ASH1L: variants seen among roughly 807,000 people sequenced by gnomAD.
The protein encoded by ASH1L is histone-lysine N-methyltransferase ASH1L.
ASH1L carries 23 observed loss-of-function variants against 269.0 expected under a neutral mutation model. The observed-to-expected ratio is 0.09, with a 90% CI of 0.06 to 0.12. ASH1L has a LOEUF of 0.12. Among genes scored for constraint, ASH1L ranks in the 10% least tolerant of loss-of-function variants. ASH1L has a pLI of 1.00. For missense variants in ASH1L, 2,912 were observed against 3,567.8 expected, an observed-to-expected ratio of 0.82 and a Z score of 4.68; for synonymous variants, 1,187 against 1,253.5, an observed-to-expected ratio of 0.95 and a Z score of 1.12.
intron 1 of ASH1L, among the ~76,000 whole-genome samples, chr1:155,543,315 A>G (rs1670566985): frequency 6.6e-6 from 1 of 151,696 alleles, no homozygotes; most frequent in Admixed American, 6.6e-5. Flanking sequence ...GTTCGACACC[A>G]GCCTGGCCAA....
In ASH1L at chr1:155,354,582, C is replaced by T. The variant is rs1187310225; in HGVS notation, c.7104G>A (p.Lys2368=). ...TTACTTCCTCCTGTTTTTGACGAATCTTCTCCCAGTTTCGGACCAAGAATA... is the reference window on the plus strand; with the variant it reads ...TTACTTCCTCCTGTTTTTGACGAATTTTCTCCCAGTTTCGGACCAAGAATA... ...HHVFLVRNWE[K]IRQKQEEVKH... The change falls in exon 16 of 28, where the codon AAG becomes AAA. Residue 2368 remains lysine, a synonymous_variant. Transcript: ENST00000392403. 1.2e-5 allele frequency: 20 copies of T among 1,613,916 alleles called. No individual in the cohort carries two copies. Among genetic ancestry groups the T allele is most frequent in the East Asian group, 2.2e-5 (1 of 44,866 alleles).
At chr1:155,493,650 C>CT (rs1391002585) in intron 2 of ASH1L, among the ~76,000 whole-genome samples, 1 of 152,062 alleles carries the variant, frequency 6.6e-6, no homozygotes, top group Non-Finnish European at 1.5e-5. Flanking sequence ...GGAGGATCAC[C>CT]TGAGGTTGGG....
chr1:155,486,736 T>A (rs1035903330), intron 2 of ASH1L, among the ~76,000 whole-genome samples: 1 of 152,118 alleles, frequency 6.6e-6, no homozygotes, highest in Non-Finnish European at 1.5e-5. Flanking sequence ...AAACAAATAT[T>A]AAGCAGTTTG....
chr1:155,428,686 C>T (rs1661367960), intron 5 of ASH1L, among the ~76,000 whole-genome samples: 3 of 152,148 alleles, frequency 2.0e-5, no homozygotes, highest in Non-Finnish European at 2.9e-5. Context: ...GCGATCTGTG[C>T]CTTAAGGACA....
chr1:155,406,611 G>C (rs1295677686), intron 6 of ASH1L, among the ~76,000 whole-genome samples: 3 of 152,164 alleles, frequency 2.0e-5, no homozygotes, highest in Non-Finnish European at 2.9e-5. Context: ...GCTGAGGAAG[G>C]AGGATGGTTT....
intron 7 of ASH1L, among the ~76,000 whole-genome samples, chr1:155,380,464 C>G (rs551449406): frequency 1.3e-5 from 2 of 152,062 alleles, no homozygotes; most frequent in African/African-American, 4.8e-5. Flanking sequence ...TTACACATAA[C>G]CTAAGGTTGA....
At chr1:155,412,312 G>C (rs1659876202) in intron 6 of ASH1L, among the ~76,000 whole-genome samples, 1 of 152,004 alleles carries the variant, frequency 6.6e-6, no homozygotes, top group African/African-American at 2.4e-5. Context: ...TGGAGGCTGA[G>C]GCAGGAGAAT....
Position 155,479,212 on chromosome 1 carries a change from G to T in ASH1L, c.3658C>A (p.Gln1220Lys). The T allele has an allele frequency of 6.2e-7, 1 of 1,613,700 alleles. No individual in the cohort carries two copies. The change falls in exon 3 of 28, where the codon CAA becomes AAA. Residue 1220 changes from glutamine (Q) to lysine (K), a missense_variant. Gln to Lys is a moderately conservative substitution (Grantham distance 53, BLOSUM62 1). Transcript: ENST00000392403. ...TSDRAEKFCGQKKRRHSFEHV... is the reference protein window; with the variant it reads ...TSDRAEKFCGKKKRRHSFEHV... ...TCAAAAGAATGCCTCCTCTTTTTTT[G>T]CCCACAAAATTTCTCTGCCCTGTCT...
At chr1:155,409,771 C>A (rs957296635) in intron 6 of ASH1L, among the ~76,000 whole-genome samples, 2 of 152,022 alleles carry the variant, frequency 1.3e-5, no homozygotes, top group Admixed American at 6.6e-5. Flanking sequence ...CAGGCCTCTG[C>A]CAAGATTTTT....
At chr1:155,551,859 C>A (rs1028470524) in intron 1 of ASH1L, among the ~76,000 whole-genome samples, 1 of 150,618 alleles carries the variant, frequency 6.6e-6, no homozygotes, top group Non-Finnish European at 1.5e-5. Flanking sequence ...GCCTGTAATC[C>A]CAGTGACTTG....
At chr1:155,374,217 T>C (rs1656231959) in intron 10 of ASH1L, among the ~76,000 whole-genome samples, 1 of 151,654 alleles carries the variant, frequency 6.6e-6, no homozygotes, top group South Asian at 2.1e-4. Flanking sequence ...CCCAGCTACT[T>C]GGGAGGCGGA....
At chr1:155,372,171 T>C (rs1442444330) in intron 10 of ASH1L, among the ~76,000 whole-genome samples, 2 of 144,906 alleles carry the variant, frequency 1.4e-5, no homozygotes, top group Non-Finnish European at 3.0e-5. Context: ...TTTGTATTTT[T>C]AGTAGAGATG....
chr1:155,362,203 T>C (rs555825588), intron 12 of ASH1L, among the ~76,000 whole-genome samples: 246 of 152,026 alleles, frequency 1.6e-3, no homozygotes, highest in South Asian at 0.013. Context: ...CCCAGCTACT[T>C]TTTCATATTT....
intron 1 of ASH1L, among the ~76,000 whole-genome samples, chr1:155,544,873 G>A (rs904254882): frequency 2.6e-5 from 4 of 151,870 alleles, no homozygotes; most frequent in Non-Finnish European, 5.9e-5. Flanking sequence ...AGGGAGGTGT[G>A]AATAAAAACA....
intron 21 of ASH1L, among the ~76,000 whole-genome samples, chr1:155,345,342 G>A (rs1404292721): frequency 2.0e-5 from 3 of 151,178 alleles, no homozygotes; most frequent in East Asian, 2.0e-4. Context: ...CACTGCACCC[G>A]GCTAATTTTT....
At chr1:155,461,110 A>G (rs1664267610) in intron 3 of ASH1L, among the ~76,000 whole-genome samples, 1 of 152,228 alleles carries the variant, frequency 6.6e-6, no homozygotes, top group African/African-American at 2.4e-5. Flanking sequence ...AGGTACAATA[A>G]ATCAAAAAGT....
chr1:155,373,092 A>G (rs181305948), intron 10 of ASH1L, among the ~76,000 whole-genome samples: 1 of 152,122 alleles, frequency 6.6e-6, no homozygotes, highest in Non-Finnish European at 1.5e-5. Flanking sequence ...ATGTGCCTAT[A>G]GTCCCAGCTA....
intron 6 of ASH1L, 48 bp from the exon 7 acceptor site, chr1:155,395,601 C>T: frequency 7.1e-7 from 1 of 1,409,192 alleles, no homozygotes; most frequent in East Asian, 2.3e-5. Context: ...AAGAAATTTC[C>T]TCCTGTGGTC....
intron 7 of ASH1L, among the ~76,000 whole-genome samples, chr1:155,391,612 A>G (rs1485703424): frequency 6.6e-6 from 1 of 152,242 alleles, no homozygotes; most frequent in Non-Finnish European, 1.5e-5. Flanking sequence ...TATGGACATT[A>G]TAAGTAATAC....
Sources: allele counts gnomAD v4.1 joint callset (sites outside exome capture counted in the v4.1 genomes callset), GRCh38; gene constraint gnomAD v4.1.1; transcripts MANE v1.5; gene names NCBI Gene and HGNC (gene_info 2026-07-23, HGNC 2026-07-21).